Variants in WDR7 observed in about 807,000 individuals in gnomAD.
WDR7 encodes the protein WD repeat-containing protein 7.
A neutral mutation model predicts 169.4 loss-of-function variants in WDR7; 46 were observed. The observed-to-expected ratio is 0.27, with a 90% CI of 0.21 to 0.35. WDR7 has a LOEUF of 0.35. Ranked by LOEUF, WDR7 falls within the 10% of genes least tolerant of loss-of-function variation. The pLI is 1.00. For synonymous variants in WDR7, 612 were observed against 666.8 expected (o/e 0.92, Z 1.27); for missense variants, 1,534 against 1,859.3 (o/e 0.83, Z 3.22).
At chr18:56,942,256 C>A (rs1188557048) in intron 25 of WDR7, among the ~76,000 whole-genome samples, 3 of 151,870 alleles carry the variant, frequency 2.0e-5, no homozygotes, top group Non-Finnish European at 4.4e-5. Context: ...TTCATGCAAC[C>A]CATGACACAA....
At chr18:56,968,859 A>T (rs1198776134) in intron 26 of WDR7, among the ~76,000 whole-genome samples, 1 of 152,158 alleles carries the variant, frequency 6.6e-6, no homozygotes, top group African/African-American at 2.4e-5. Flanking sequence ...GTTTGCAACT[A>T]TCTCATTTAC....
At chr18:56,764,433 C>T (rs1042032283) in intron 16 of WDR7, among the ~76,000 whole-genome samples, 1 of 151,996 alleles carries the variant, frequency 6.6e-6, no homozygotes, top group Admixed American at 6.5e-5. Context: ...AATAACATTG[C>T]GTACATTTAT....
chr18:56,721,534 AAG>A (rs1269655109), intron 13 of WDR7: 4 of 152,238 alleles, frequency 2.6e-5, no homozygotes, highest in African/African-American at 9.6e-5. Context: ...CACTAGCAAC[AAG>A]ATTTAGCCAG....
chr18:56,757,450 T>G, intron 15 of WDR7, 98 bp downstream of exon 15: 1 of 1,244,886 alleles, frequency 8.0e-7, no homozygotes, highest in Non-Finnish European at 1.1e-6. Flanking sequence ...TCTACACAAT[T>G]TTATTATTTC....
chr18:57,023,971 G>A (rs1313509100), intron 27 of WDR7, among the ~76,000 whole-genome samples: 1 of 152,056 alleles, frequency 6.6e-6, no homozygotes, highest in Non-Finnish European at 1.5e-5. Context: ...GCATTTTGTT[G>A]AACAAAAAGG....
chr18:56,686,795 T>C (rs2025452505), intron 6 of WDR7, 60 bp from the exon 7 acceptor site: 1 of 1,359,528 alleles, frequency 7.4e-7, no homozygotes, highest in African/African-American at 1.4e-5. Context: ...TTTATCATTG[T>C]GTGATAATTT....
At chr18:57,002,577 A>G (rs2047999626) in intron 26 of WDR7, among the ~76,000 whole-genome samples, 1 of 152,224 alleles carries the variant, frequency 6.6e-6, no homozygotes, top group Admixed American at 6.5e-5. Context: ...TCTATAAGCG[A>G]AAAGAGACTA....
At chr18:56,859,746 C>A (rs926844339) in intron 20 of WDR7, among the ~76,000 whole-genome samples, 2 of 152,056 alleles carry the variant, frequency 1.3e-5, no homozygotes, top group Non-Finnish European at 2.9e-5. Context: ...ACATTTGTGA[C>A]CATTGAACTT....
intron 20 of WDR7, among the ~76,000 whole-genome samples, chr18:56,835,545 T>C (rs570322644): frequency 6.6e-6 from 1 of 152,294 alleles, no homozygotes; most frequent in East Asian, 1.9e-4. Context: ...AGTTATTGCC[T>C]GGATTATTGT....
intron 16 of WDR7, among the ~76,000 whole-genome samples, chr18:56,765,857 G>A (rs1453627651): frequency 2.6e-5 from 4 of 152,032 alleles, no homozygotes; most frequent in African/African-American, 4.8e-5. Flanking sequence ...TGTGCTGAAC[G>A]TGCAGGTTTG....
At chr18:57,010,018 G>A (rs911319563) in intron 26 of WDR7, 2 of 985,326 alleles carry the variant, frequency 2.0e-6, no homozygotes, top group African/African-American at 3.5e-5. Flanking sequence ...GTGAGTTAGT[G>A]TGTACATGTG....
At chr18:56,825,612 T>C (rs1264042748) in intron 20 of WDR7, among the ~76,000 whole-genome samples, 1 of 152,204 alleles carries the variant, frequency 6.6e-6, no homozygotes, top group Non-Finnish European at 1.5e-5. Context: ...CTTGTGCTTT[T>C]AAATTGAAGT....
intron 26 of WDR7, among the ~76,000 whole-genome samples, chr18:56,999,524 C>T (rs1400394197): frequency 6.6e-6 from 1 of 152,038 alleles, no homozygotes; most frequent in East Asian, 1.9e-4. Context: ...TATTTTTAAT[C>T]TTTCTCCATG....
At chr18:56,977,178 G>T (rs187551967) in intron 26 of WDR7, among the ~76,000 whole-genome samples, 9 of 152,334 alleles carry the variant, frequency 5.9e-5, no homozygotes, top group Non-Finnish European at 1.2e-4. Flanking sequence ...AATCGTGGTG[G>T]TGGGTTGATT....
chr18:56,834,293 C>T (rs1030675027), intron 20 of WDR7, among the ~76,000 whole-genome samples: 2 of 152,296 alleles, frequency 1.3e-5, no homozygotes, highest in East Asian at 3.9e-4. Flanking sequence ...CATGACTTTG[C>T]TGTCGTCCAC....
chr18:56,954,041 TC>T (rs2047217536), intron 25 of WDR7, among the ~76,000 whole-genome samples: 1 of 152,214 alleles, frequency 6.6e-6, no homozygotes, highest in Admixed American at 6.6e-5. Flanking sequence ...ACTTTGGCTT[TC>T]CAGTAGATAT....
rs557744809 is a variant in WDR7, at chr18:57,013,487, T to C, written c.4165-7258T>C. Among the ~76,000 whole-genome samples, 92 of 152,236 alleles carry C rather than the reference T, an allele frequency of 6.0e-4. 1 individual carries two copies. Among genetic ancestry groups the C allele is most frequent in the Non-Finnish European group, 1.1e-3 (72 of 68,044 alleles). On this transcript the variant is annotated intron_variant, in intron 26 of 27. Transcript: ENST00000254442. ...TTTTGTTTTAAATTAAAGTATTACG[T>C]TATATGATGCAATTTTATCAAGACC... is the stretch of plus-strand genomic sequence containing the variant.
intron 20 of WDR7, among the ~76,000 whole-genome samples, chr18:56,844,208 G>A (rs1405545676): frequency 1.3e-5 from 2 of 151,768 alleles, no homozygotes; most frequent in South Asian, 2.1e-4. Context: ...CGTGAAGTGT[G>A]AAGTTATATA....
At chr18:56,826,486 T>C (rs1482352351) in intron 20 of WDR7, among the ~76,000 whole-genome samples, 1 of 152,224 alleles carries the variant, frequency 6.6e-6, no homozygotes, top group Non-Finnish European at 1.5e-5. Context: ...CCATGATTTC[T>C]TGGTTTCAAG....
Sources: gnomAD v4.1 joint callset for allele counts (sites outside exome capture counted in the v4.1 genomes callset) on GRCh38, gnomAD v4.1.1 for gene constraint, MANE v1.5 for transcripts, NCBI Gene and HGNC (gene_info 2026-07-23, HGNC 2026-07-21) for gene names.